Variants in ZFHX3 observed in about 807,000 individuals in gnomAD.
ZFHX3 encodes zinc finger homeobox 3, also known as zinc finger homeobox protein 3.
Under a neutral mutation model 279.1 loss-of-function variants are expected in ZFHX3, and 42 were observed. The ratio of observed to expected loss-of-function variants is 0.15; its 90% CI spans 0.12 to 0.19. The LOEUF (loss-of-function observed/expected upper bound fraction) is 0.19, where lower values mean the gene tolerates loss of function less well. ZFHX3 is among the 10% of genes least tolerant of loss of function. The pLI is 1.00. For missense variants in ZFHX3, 4,981 were observed against 4,754.0 expected, an observed-to-expected ratio of 1.05 and a Z score of -1.40; for synonymous variants, 2,293 against 1,957.8, an observed-to-expected ratio of 1.17 and a Z score of -4.52.
chr16:73,552,071 G>A (rs1034568456), intron 2 of ZFHX3, among the ~76,000 whole-genome samples: 3 of 151,960 alleles, frequency 2.0e-5, no homozygotes, highest in African/African-American at 7.2e-5. Context: ...GAGAGAGAAA[G>A]CACACAGTCA....
rs762108866 is a variant in ZFHX3, at chr16:72,788,060, CG to C, written c.10215del (p.Ala3407LeufsTer78). ...QPKASQTPVP[P>X]GAPSPDKDPA... is the part of the protein sequence containing the mutation. The stretch of plus-strand genomic sequence containing the variant: ...GGGTCTTTGTCTGGGGAAGGAGCCC[CG>C]GGGGGGACTGGGGTTTGGCTTGCTT... On this transcript the variant is annotated frameshift_variant, in exon 10 of 10. Coordinates refer to ENST00000268489, the MANE Select transcript of ZFHX3 (RefSeq NM_006885.4). LOFTEE classifies it high-confidence loss of function. 1 of 1,610,544 alleles carries C rather than the reference CG, an allele frequency of 6.2e-7. No individual in the cohort carries two copies.
intron 2 of ZFHX3, among the ~76,000 whole-genome samples, chr16:73,588,538 AT>A (rs1302560072): frequency 1.3e-5 from 2 of 151,756 alleles, no homozygotes; most frequent in South Asian, 2.1e-4. Flanking sequence ...TATAAAAAAA[AT>A]ATTAGCCGGG....
chr16:73,079,972 C>T (rs1299073757), intron 8 of ZFHX3, among the ~76,000 whole-genome samples: 1 of 152,040 alleles, frequency 6.6e-6, no homozygotes, highest in Admixed American at 6.6e-5. Flanking sequence ...ATGCAGACAA[C>T]CTTTTCCTGT....
At chr16:73,355,439 A>T (rs2016323412) in intron 3 of ZFHX3, among the ~76,000 whole-genome samples, 1 of 151,884 alleles carries the variant, frequency 6.6e-6, no homozygotes. Context: ...CAAGCCACAG[A>T]CTCCTTCAAC....
intron 2 of ZFHX3, among the ~76,000 whole-genome samples, chr16:73,619,435 C>T (rs917708234): frequency 9.3e-5 from 14 of 150,572 alleles, no homozygotes; most frequent in Admixed American, 6.0e-4. Context: ...TGGCAGTGAG[C>T]GGAGATCGTG....
At chr16:73,433,292 A>T (rs1301410437) in intron 3 of ZFHX3, among the ~76,000 whole-genome samples, 1 of 152,216 alleles carries the variant, frequency 6.6e-6, no homozygotes, top group Non-Finnish European at 1.5e-5. Flanking sequence ...TTATAAAAAT[A>T]GGAAGAACAC....
chr16:73,406,543 A>G (rs367558436), intron 3 of ZFHX3, among the ~76,000 whole-genome samples: 2 of 152,220 alleles, frequency 1.3e-5, no homozygotes, highest in East Asian at 3.9e-4. Context: ...TAGCTGCTCC[A>G]GGCTCAACAA....
intron 1 of ZFHX3, among the ~76,000 whole-genome samples, chr16:73,690,412 C>G (rs2053137202): frequency 6.6e-6 from 1 of 152,184 alleles, no homozygotes; most frequent in African/African-American, 2.4e-5. Flanking sequence ...TTTTGGGCCA[C>G]ATGCAATCCT....
chr16:73,818,542 A>C (rs2142345847), intron 1 of ZFHX3, among the ~76,000 whole-genome samples: 1 of 152,356 alleles, frequency 6.6e-6, no homozygotes, highest in African/African-American at 2.4e-5. Flanking sequence ...CAGGGGTTTC[A>C]GACCCCTGGC....
chr16:72,888,172 T>C (rs1474839271), intron 4 of ZFHX3, among the ~76,000 whole-genome samples: 2 of 152,218 alleles, frequency 1.3e-5, no homozygotes, highest in Non-Finnish European at 2.9e-5. Context: ...CTCTTCTCCA[T>C]AAAGTTTATG....
intron 3 of ZFHX3, among the ~76,000 whole-genome samples, chr16:73,364,212 G>A (rs1022170582): frequency 4.6e-5 from 7 of 151,628 alleles, no homozygotes; most frequent in Non-Finnish European, 1.0e-4. Context: ...GAACAAGTAA[G>A]GTCATGGGTA....
chr16:73,102,017 G>A (rs1049089790), intron 7 of ZFHX3, among the ~76,000 whole-genome samples: 4 of 149,942 alleles, frequency 2.7e-5, no homozygotes, highest in African/African-American at 9.8e-5. Flanking sequence ...GGGTTCAAGC[G>A]ATTCTTGTGC....
chr16:72,843,725 C>G (rs954536340), intron 4 of ZFHX3, among the ~76,000 whole-genome samples: 2 of 152,116 alleles, frequency 1.3e-5, no homozygotes, highest in Non-Finnish European at 1.5e-5. Context: ...TTCCCTCCAT[C>G]AAGGTGGTGA....
rs567138348 is a variant in ZFHX3, at chr16:73,885,400, C to T, written c.-1608+6251G>A. Among the ~76,000 whole-genome samples, 19 of 152,220 alleles carry T rather than the reference C, an allele frequency of 1.2e-4. No homozygotes were observed. In the East Asian group the frequency reaches 1.9e-3, roughly 15 times the overall value. On this transcript the variant is annotated intron_variant, in intron 1 of 17. Transcript: ENST00000641206. ...AAATTAAATGTTCAAAAACTAGCTG[C>T]GCTGTGGATGGCTGAGCTTATCCCA...
intron 1 of ZFHX3, among the ~76,000 whole-genome samples, chr16:73,832,544 T>C (rs1474444525): frequency 6.6e-6 from 1 of 152,188 alleles, no homozygotes; most frequent in Non-Finnish European, 1.5e-5. Context: ...TTTAAGTTTT[T>C]TTATTTTTGT....
chr16:73,337,509 C>T (rs1011822432), intron 3 of ZFHX3, among the ~76,000 whole-genome samples: 1 of 152,142 alleles, frequency 6.6e-6, no homozygotes, highest in Non-Finnish European at 1.5e-5. Flanking sequence ...TCCCATCACA[C>T]TGTGCACTGA....
intron 5 of ZFHX3, among the ~76,000 whole-genome samples, chr16:73,196,223 G>A (rs143937937): frequency 1.3e-5 from 2 of 150,332 alleles, no homozygotes; most frequent in African/African-American, 4.9e-5. Flanking sequence ...GTCTTCAACT[G>A]CTTTAATTAA....
chr16:73,489,363 A>T (rs2019023002), intron 2 of ZFHX3, among the ~76,000 whole-genome samples: 1 of 152,224 alleles, frequency 6.6e-6, no homozygotes, highest in South Asian at 2.1e-4. Flanking sequence ...TAAAAAGATC[A>T]TTTCATGACA....
At chr16:73,734,823 G>A (rs1212623657) in intron 1 of ZFHX3, among the ~76,000 whole-genome samples, 1 of 152,048 alleles carries the variant, frequency 6.6e-6, no homozygotes, top group Non-Finnish European at 1.5e-5. Context: ...TACAGTATGT[G>A]AATATGTACA....
Sources: gnomAD v4.1 joint callset for allele counts (sites outside exome capture counted in the v4.1 genomes callset) on GRCh38, gnomAD v4.1.1 for gene constraint, MANE v1.5 for transcripts, NCBI Gene and HGNC (gene_info 2026-07-23, HGNC 2026-07-21) for gene names.